The following COX7B2 variants were observed in gnomAD, a reference collection of about 807,000 sequenced individuals.
COX7B2 encodes cytochrome c oxidase subunit 7B2.
For synonymous variants in COX7B2, 37 were observed against 32.1 expected (o/e 1.15, Z -0.51); for missense variants, 109 against 95.9 (o/e 1.14, Z -0.57).
chr4:46,849,237 C>T (rs541126140), intron 1 of COX7B2, among the ~76,000 whole-genome samples: 2 of 151,996 alleles, frequency 1.3e-5, no homozygotes, highest in Non-Finnish European at 2.9e-5. Flanking sequence ...GGTTTTGCTC[C>T]ATCATCAAGG....
chr4:46,873,953 T>C (rs921318930), intron 1 of COX7B2, among the ~76,000 whole-genome samples: 1 of 152,164 alleles, frequency 6.6e-6, no homozygotes, highest in African/African-American at 2.4e-5. Flanking sequence ...TTCTTTGTTA[T>C]TTAAGCCACA....
At chr4:46,825,008 C>T (rs1286366583) in intron 2 of COX7B2, among the ~76,000 whole-genome samples, 1 of 151,732 alleles carries the variant, frequency 6.6e-6, no homozygotes, top group Admixed American at 6.6e-5. Context: ...CACTCATCTT[C>T]AACACAATAT....
At chr4:46,749,519 A>G (rs1411892839) in intron 2 of COX7B2, among the ~76,000 whole-genome samples, 2 of 152,132 alleles carry the variant, frequency 1.3e-5, no homozygotes, top group Admixed American at 1.3e-4. Context: ...AATTTACATT[A>G]AAAATATTGT....
At chr4:46,788,299 G>GA (rs1212436488) in intron 2 of COX7B2, among the ~76,000 whole-genome samples, 1 of 151,818 alleles carries the variant, frequency 6.6e-6, no homozygotes, top group Admixed American at 6.6e-5. Context: ...AATCTGAACT[G>GA]AAAAAAACAA....
intron 1 of COX7B2, among the ~76,000 whole-genome samples, chr4:46,893,944 A>G (rs1404599675): frequency 6.6e-6 from 1 of 152,164 alleles, no homozygotes; most frequent in African/African-American, 2.4e-5. Context: ...ATACCTAGGA[A>G]TACAACTAAC....
At position 46,847,858 on chromosome 4, in the gene COX7B2, T is replaced by C. The variant is rs142001402; in HGVS notation, c.-104-2844A>G. On this transcript the variant is annotated intron_variant, in intron 1 of 2. Transcript: ENST00000355591. ...GCTGACAGGTAATCAGCATTGAAAATGACAGGAGAAGCCGGGTTCAGCCAC... is the reference window on the plus strand; with the variant it reads ...GCTGACAGGTAATCAGCATTGAAAACGACAGGAGAAGCCGGGTTCAGCCAC... Among the ~76,000 whole-genome samples the C allele has an allele frequency of 7.7e-3, 1,174 of 151,950 alleles. 18 individuals carry two copies. The highest frequency in any genetic ancestry group is 0.027 in the African/African-American group (1,131 of 41,456).
At chr4:46,746,004 G>C (rs770687655) in intron 2 of COX7B2, among the ~76,000 whole-genome samples, 1 of 152,022 alleles carries the variant, frequency 6.6e-6, no homozygotes, top group East Asian at 1.9e-4. Flanking sequence ...AAATTTCTAT[G>C]CAAATAGGCC....
At chr4:46,828,872 T>C (rs1714869106) in intron 2 of COX7B2, among the ~76,000 whole-genome samples, 1 of 152,126 alleles carries the variant, frequency 6.6e-6, no homozygotes. Context: ...CAGAAAAATA[T>C]AAGAGAGCCC....
intron 2 of COX7B2, among the ~76,000 whole-genome samples, chr4:46,769,844 CG>C (rs1716770839): frequency 6.6e-6 from 1 of 152,022 alleles, no homozygotes; most frequent in South Asian, 2.1e-4. Context: ...GAATGTTCCT[CG>C]AAAAAATAAA....
intron 2 of COX7B2, among the ~76,000 whole-genome samples, chr4:46,820,848 T>G (rs950465045): frequency 1.4e-5 from 2 of 148,114 alleles, no homozygotes; most frequent in Non-Finnish European, 3.0e-5. Flanking sequence ...TATATATATA[T>G]ATATAGATAG....
chr4:46,888,937 G>T (rs1346872645), intron 1 of COX7B2, among the ~76,000 whole-genome samples: 3 of 152,070 alleles, frequency 2.0e-5, no homozygotes, highest in Non-Finnish European at 2.9e-5. Flanking sequence ...TTGCTGCAAT[G>T]ATTATGTATT....
chr4:46,873,566 C>A lies in COX7B2; in HGVS notation c.-104-28552G>T, dbSNP rs1404525392. ...GTTTTGATTTGCATTTGTCTAACGA[C>A]CAGTGAAGATGAGCATTTTTTCATA... On this transcript the variant is annotated intron_variant, in intron 1 of 2. Coordinates refer to ENST00000355591, the MANE Select transcript of COX7B2 (RefSeq NM_130902.3). Among the ~76,000 whole-genome samples the A allele has an allele frequency of 3.9e-5, 6 of 152,152 alleles. No homozygotes were observed. The East Asian group carries it at 5.8e-4, about 15-fold the overall frequency.
chr4:46,739,826 C>T (rs988655366), intron 2 of COX7B2, among the ~76,000 whole-genome samples: 10 of 151,992 alleles, frequency 6.6e-5, no homozygotes, highest in Middle Eastern at 3.4e-3. Flanking sequence ...AACAGATGAG[C>T]CTGGAGACAT....
chr4:46,802,308 C>T (rs1277484451), intron 2 of COX7B2, among the ~76,000 whole-genome samples: 6 of 152,006 alleles, frequency 3.9e-5, no homozygotes, highest in Non-Finnish European at 8.8e-5. Flanking sequence ...AAAGGCTAAT[C>T]GTTTAAAGGA....
At chr4:46,772,978 G>A (rs1716957695) in intron 2 of COX7B2, among the ~76,000 whole-genome samples, 1 of 152,024 alleles carries the variant, frequency 6.6e-6, no homozygotes, top group South Asian at 2.1e-4. Flanking sequence ...AATGTCCATG[G>A]AAACCAGAAA....
intron 1 of COX7B2, among the ~76,000 whole-genome samples, chr4:46,851,320 C>T (rs1716664372): frequency 1.3e-5 from 2 of 152,044 alleles, no homozygotes; most frequent in Admixed American, 1.3e-4. Flanking sequence ...TTCAGTTTCT[C>T]TTACTCCAGA....
At chr4:46,811,246 C>T (rs1719270444) in intron 2 of COX7B2, among the ~76,000 whole-genome samples, 1 of 151,852 alleles carries the variant, frequency 6.6e-6, no homozygotes, top group South Asian at 2.1e-4. Flanking sequence ...ACTTTCTGTT[C>T]CTTTGTCTTT....
At chr4:46,806,360 AAAAAAC>A (rs1442899451) in intron 2 of COX7B2, among the ~76,000 whole-genome samples, 3 of 152,064 alleles carry the variant, frequency 2.0e-5, no homozygotes, top group Non-Finnish European at 4.4e-5. Context: ...TAAAGTAAAA[AAAAAAC>A]TTTTCCATGT....
At chr4:46,782,790 G>C (rs191749436) in intron 2 of COX7B2, among the ~76,000 whole-genome samples, 40 of 152,184 alleles carry the variant, frequency 2.6e-4, no homozygotes, top group African/African-American at 9.4e-4. Context: ...GGCTCACCGC[G>C]AAGGTCTGCA....
Sources: gnomAD v4.1 joint callset for allele counts (sites outside exome capture counted in the v4.1 genomes callset) on GRCh38, gnomAD v4.1.1 for gene constraint, MANE v1.5 for transcripts, NCBI Gene and HGNC (gene_info 2026-07-23, HGNC 2026-07-21) for gene names.